Variants in DGKD observed in about 807,000 individuals in gnomAD.
DGKD encodes the protein diacylglycerol kinase delta.
A neutral mutation model predicts 154.4 loss-of-function variants in DGKD; 68 were observed. That is an observed-to-expected ratio of 0.44 (90% CI 0.36 to 0.54). The LOEUF (loss-of-function observed/expected upper bound fraction) is 0.54. Among genes scored for constraint, DGKD ranks in the 20% least tolerant of loss-of-function variants. The pLI is 0.00. For synonymous variants in DGKD, 693 were observed against 638.0 expected (o/e 1.09, Z -1.30); for missense variants, 1,343 against 1,593.6 (o/e 0.84, Z 2.68).
chr2:233,388,053 C>T (rs1040486993), intron 1 of DGKD: 3 of 1,188,146 alleles, frequency 2.5e-6, no homozygotes, highest in Non-Finnish European at 3.4e-6. Flanking sequence ...ACACATTGCC[C>T]CTTAGAGGAC....
intron 24 of DGKD, 26 bp downstream of exon 24, chr2:233,460,371 G>A (rs73117574): frequency 1.1e-5 from 18 of 1,611,620 alleles, no homozygotes; most frequent in East Asian, 2.2e-5. Context: ...TCTGCGTTGC[G>A]CATGAGCCTC....
chr2:233,408,721 T>C (rs2061747837), intron 3 of DGKD, among the ~76,000 whole-genome samples: 1 of 152,238 alleles, frequency 6.6e-6, no homozygotes, highest in African/African-American at 2.4e-5. Context: ...GAGTAGGTGC[T>C]CAGTGAATGA....
At chr2:233,460,602 C>G (rs541718108) in intron 24 of DGKD, among the ~76,000 whole-genome samples, 2 of 152,120 alleles carry the variant, frequency 1.3e-5, no homozygotes, top group African/African-American at 4.8e-5. Flanking sequence ...AAAACCTGCC[C>G]GGGCTCAGCC....
intron 1 of DGKD, among the ~76,000 whole-genome samples, chr2:233,361,437 C>T (rs996422122): frequency 1.1e-4 from 16 of 152,122 alleles, no homozygotes; most frequent in African/African-American, 3.1e-4. Flanking sequence ...TCTGTTTGTA[C>T]GTTCATGATT....
chr2:233,376,987 T>C (rs764309830), intron 1 of DGKD, among the ~76,000 whole-genome samples: 5 of 151,800 alleles, frequency 3.3e-5, no homozygotes, highest in African/African-American at 9.7e-5. Flanking sequence ...TTCCATTGTT[T>C]CTTTTTGGAA....
At chr2:233,392,773 C>T (rs950381857) in intron 3 of DGKD, among the ~76,000 whole-genome samples, 3 of 152,068 alleles carry the variant, frequency 2.0e-5, no homozygotes, top group Non-Finnish European at 4.4e-5. Flanking sequence ...ATTTTTTGAA[C>T]CTTTTCACTT....
chr2:233,453,449 A>G (rs532490432), intron 18 of DGKD, among the ~76,000 whole-genome samples: 1 of 152,300 alleles, frequency 6.6e-6, no homozygotes, highest in Non-Finnish European at 1.5e-5. Context: ...TCCCCCTGGT[A>G]AACAGTTTTG....
intron 17 of DGKD, 28 bp downstream of exon 17, chr2:233,451,078 G>A (rs377268962): frequency 4.4e-6 from 7 of 1,590,338 alleles, no homozygotes; most frequent in African/African-American, 4.0e-5. Context: ...GGAGGGACTG[G>A]TGGGGGCCCT....
chr2:233,364,399 C>T (rs775231860), intron 1 of DGKD, among the ~76,000 whole-genome samples: 9 of 152,108 alleles, frequency 5.9e-5, no homozygotes, highest in African/African-American at 9.7e-5. Context: ...AGGGTTTCTA[C>T]GTGGGAAAGA....
At chr2:233,380,865 A>G (rs927776425) in intron 1 of DGKD, among the ~76,000 whole-genome samples, 2 of 151,898 alleles carry the variant, frequency 1.3e-5, no homozygotes, top group South Asian at 2.1e-4. Flanking sequence ...TAGTGGGGGC[A>G]GGAATGAGGT....
At chr2:233,365,267 G>A (rs1701967896) in intron 1 of DGKD, among the ~76,000 whole-genome samples, 1 of 150,872 alleles carries the variant, frequency 6.6e-6, no homozygotes, top group Non-Finnish European at 1.5e-5. Context: ...GTTTCGCTCT[G>A]TTGCCCAGAC....
At chr2:233,468,354 G>A in intron 28 of DGKD, 69 bp from the exon 29 acceptor site, 1 of 1,581,690 alleles carries the variant, frequency 6.3e-7, no homozygotes, top group Non-Finnish European at 8.6e-7. Context: ...GGTGCTGGGT[G>A]CCAGCTGCTG....
chr2:233,362,291 TCTTA>T (rs1701822113), intron 1 of DGKD, among the ~76,000 whole-genome samples: 1 of 152,104 alleles, frequency 6.6e-6, no homozygotes, highest in Non-Finnish European at 1.5e-5. Flanking sequence ...AGTAAGAAGG[TCTTA>T]CTTGTGTTTA....
At chr2:233,368,327 T>C (rs1004343812) in intron 1 of DGKD, among the ~76,000 whole-genome samples, 7 of 152,010 alleles carry the variant, frequency 4.6e-5, no homozygotes, top group Admixed American at 6.6e-5. Context: ...CTGGCCGATA[T>C]GGTAAAACCC....
intron 3 of DGKD, among the ~76,000 whole-genome samples, chr2:233,393,334 CT>C (rs61587988): frequency 0.47 from 48,879 of 103,822 alleles, 10,032 homozygotes; most frequent in Middle Eastern, 0.58. Flanking sequence ...GGCCTGTTTC[CT>C]TTTTTTTTTT....
At chr2:233,431,894 T>C (rs964345163) in intron 3 of DGKD, among the ~76,000 whole-genome samples, 3 of 152,220 alleles carry the variant, frequency 2.0e-5, no homozygotes, top group African/African-American at 7.2e-5. Context: ...TTCTAGGACG[T>C]TGGACTGGGC....
At chr2:233,357,316 C>A (rs1701571730) in intron 1 of DGKD, among the ~76,000 whole-genome samples, 1 of 152,078 alleles carries the variant, frequency 6.6e-6, no homozygotes, top group African/African-American at 2.4e-5. Flanking sequence ...TGGCCCAGGA[C>A]CAGAACTGTA....
rs1171121746 is a variant in DGKD at position 233,363,008 on chromosome 2, TTGA to T, written c.156+8342_156+8344del. Among the ~76,000 whole-genome samples, 19 of 152,360 alleles carry T rather than the reference TTGA, an allele frequency of 1.2e-4. No individual in the cohort carries two copies. The South Asian group carries it at 1.7e-3, about 13-fold the overall frequency. On this transcript the variant is annotated intron_variant, in intron 1 of 29. Coordinates refer to ENST00000264057, the MANE Select transcript of DGKD (RefSeq NM_152879.3). ...TACAAGTATATACAGTACATAATAG[TTGA>T]TGATGATAATAAACAACTATGTTAC...
intron 12 of DGKD, chr2:233,447,573 G>T: frequency 3.0e-6 from 3 of 985,656 alleles, no homozygotes; most frequent in Non-Finnish European, 3.6e-6. Flanking sequence ...CAGAATATTC[G>T]CTGTCTGGCC....
Sources: gnomAD v4.1 joint callset for allele counts (sites outside exome capture counted in the v4.1 genomes callset) on GRCh38, gnomAD v4.1.1 for gene constraint, MANE v1.5 for transcripts, NCBI Gene and HGNC (gene_info 2026-07-23, HGNC 2026-07-21) for gene names.